Variants in ADAM22 observed in about 807,000 individuals in gnomAD.
ADAM22 encodes the protein ADAM metallopeptidase domain 22, also known as disintegrin and metalloproteinase domain-containing protein 22.
A neutral mutation model predicts 144.6 loss-of-function variants in ADAM22; 65 were observed. That is an observed-to-expected ratio of 0.45 (90% CI 0.37 to 0.55). The LOEUF (loss-of-function observed/expected upper bound fraction) is 0.55, where lower values mean the gene tolerates loss of function less well. Ranked by LOEUF, ADAM22 falls within the 20% of genes least tolerant of loss-of-function variation. ADAM22 has a pLI of 0.00. For missense variants in ADAM22, 974 were observed against 1,184.9 expected, an observed-to-expected ratio of 0.82 and a Z score of 2.61; for synonymous variants, 391 against 412.6, an observed-to-expected ratio of 0.95 and a Z score of 0.63.
intron 3 of ADAM22, among the ~76,000 whole-genome samples, chr7:88,062,073 G>T (rs1297075724): frequency 6.6e-6 from 1 of 151,968 alleles, no homozygotes; most frequent in African/African-American, 2.4e-5. Flanking sequence ...AAACACCTGA[G>T]CTCAAGCCAT....
chr7:88,047,493 G>A (rs993672623), intron 3 of ADAM22, among the ~76,000 whole-genome samples: 3 of 151,914 alleles, frequency 2.0e-5, no homozygotes, highest in Non-Finnish European at 4.4e-5. Context: ...TTTGATTTTT[G>A]TATTTTCTTG....
At chr7:88,076,835 T>C (rs1390774910) in intron 4 of ADAM22, among the ~76,000 whole-genome samples, 1 of 152,244 alleles carries the variant, frequency 6.6e-6, no homozygotes, top group Non-Finnish European at 1.5e-5. Flanking sequence ...GTGTTCAGAC[T>C]ATCTATTCTA....
At chr7:87,955,389 T>G (rs1846396905) in intron 2 of ADAM22, among the ~76,000 whole-genome samples, 1 of 152,232 alleles carries the variant, frequency 6.6e-6, no homozygotes, top group African/African-American at 2.4e-5. Context: ...TGGAGTTTGC[T>G]AGAGGTCCAC....
intron 3 of ADAM22, among the ~76,000 whole-genome samples, chr7:87,996,704 C>G (rs747218683): frequency 6.6e-6 from 1 of 152,276 alleles, no homozygotes; most frequent in African/African-American, 2.4e-5. Flanking sequence ...TTTGTTGTGC[C>G]AATTATAGAT....
At chr7:88,166,915 G>T (rs111762013) in intron 24 of ADAM22, among the ~76,000 whole-genome samples, 13 of 152,194 alleles carry the variant, frequency 8.5e-5, no homozygotes, top group South Asian at 4.2e-4. Flanking sequence ...AAAAAGGAAG[G>T]GGGGGCAGAC....
chr7:88,066,846 C>A (rs1167308662), intron 3 of ADAM22, among the ~76,000 whole-genome samples: 1 of 152,052 alleles, frequency 6.6e-6, no homozygotes, highest in Non-Finnish European at 1.5e-5. Flanking sequence ...ATGTCAAATG[C>A]TGCTTATACA....
At chr7:87,950,449 C>T (rs1360525756) in intron 2 of ADAM22, among the ~76,000 whole-genome samples, 2 of 148,764 alleles carry the variant, frequency 1.3e-5, no homozygotes, top group African/African-American at 5.1e-5. Context: ...TCATCCATGT[C>T]CCTACAAAGG....
chr7:87,951,200 A>G (rs1845041807), intron 2 of ADAM22, among the ~76,000 whole-genome samples: 1 of 147,166 alleles, frequency 6.8e-6, no homozygotes, highest in South Asian at 2.2e-4. Context: ...TGTTTTAGAC[A>G]TGAAGTCCTT....
chr7:88,084,588 G>A (rs952833862), intron 4 of ADAM22, among the ~76,000 whole-genome samples: 5 of 152,168 alleles, frequency 3.3e-5, no homozygotes, highest in South Asian at 2.1e-4. Context: ...CTCCTGTCTC[G>A]ACTTCTGTGC....
intron 24 of ADAM22, 143 bp from the exon 25 acceptor site, chr7:88,167,994 G>A (rs928564788): frequency 5.9e-6 from 4 of 677,096 alleles, no homozygotes; most frequent in African/African-American, 1.8e-5. Flanking sequence ...GCTGAATTAT[G>A]GTTGATTTTT....
At position 88,027,771 on chromosome 7, in the gene ADAM22, A is replaced by T. The variant is rs568467436; in HGVS notation, c.324-47855A>T. 6.0e-5 allele frequency among the ~76,000 whole-genome samples: 9 copies of T among 148,782 alleles called. No individual in the cohort carries two copies. In the South Asian group the frequency reaches 1.7e-3, roughly 28 times the overall value. ...TGCTGTTGCTTTTCTAGTTGTGAAG[A>T]TGCTTCATTAGGTTGTTTATTTGAG... is the stretch of plus-strand genomic sequence containing the variant. On this transcript the variant is annotated intron_variant, in intron 3 of 31. Coordinates refer to ENST00000413139, the MANE Select transcript of ADAM22 (RefSeq NM_001324418.2).
In ADAM22 at chr7:88,193,163, C is replaced by T; in HGVS notation, c.2798C>T (p.Ala933Val). 1.2e-6 allele frequency: 2 copies of T among 1,614,076 alleles called. No homozygotes were observed. The highest frequency in any genetic ancestry group is 1.7e-6 in the Non-Finnish European group (2 of 1,179,960). The change falls in exon 31 of 32, where the codon GCC becomes GTC. Residue 933 changes from alanine (A) to valine (V), a missense_variant. By Grantham distance (64) the Ala-to-Val change is moderately conservative (BLOSUM62 0). Transcript: ENST00000413139. ...CCTTCTTCATCAACTGGGTCTATTG[C>T]CTCCAGCAGAAAATACCCTTACCCA... ...KSPSSSTGSIASSRKYPYPMP... is the reference protein window; with the variant it reads ...KSPSSSTGSIVSSRKYPYPMP...
At chr7:88,071,437 C>A (rs1812782348) in intron 3 of ADAM22, among the ~76,000 whole-genome samples, 5 of 136,536 alleles carry the variant, frequency 3.7e-5, no homozygotes, top group Middle Eastern at 8.3e-3. Context: ...TAAACAGAAG[C>A]AAATTATGTT....
At chr7:87,955,810 C>T (rs1286663498) in intron 2 of ADAM22, among the ~76,000 whole-genome samples, 1 of 152,190 alleles carries the variant, frequency 6.6e-6, no homozygotes, top group East Asian at 1.9e-4. Context: ...GCTTCGTTTA[C>T]CTAAGCGAGC....
chr7:88,100,492 A>G lies in ADAM22; in HGVS notation c.391-7684A>G, dbSNP rs549405439. ...ATCAGATACTTTTAGAATCAATTAT[A>G]CTCTGTACCTGACCAGATATTTAGC... On this transcript the variant is annotated intron_variant, in intron 4 of 31. Transcript: ENST00000413139. Among the ~76,000 whole-genome samples the G allele has an allele frequency of 1.3e-5, 2 of 152,210 alleles. 1 individual carries two copies. Among genetic ancestry groups the G allele is most frequent in the African/African-American group, 4.8e-5 (2 of 41,538 alleles).
At chr7:88,054,989 C>T (rs1193925042) in intron 3 of ADAM22, among the ~76,000 whole-genome samples, 1 of 152,096 alleles carries the variant, frequency 6.6e-6, no homozygotes, top group East Asian at 1.9e-4. Context: ...TAGTTTTTTA[C>T]TTGCCTGTGA....
At chr7:88,165,734 C>T in intron 23 of ADAM22, 98 bp from the exon 24 acceptor site, 2 of 750,656 alleles carry the variant, frequency 2.7e-6, no homozygotes, top group South Asian at 4.5e-5. Context: ...TTTGGAATTA[C>T]CACATTCTAA....
At chr7:88,175,489 G>A (rs1334273659) in intron 26 of ADAM22, among the ~76,000 whole-genome samples, 2 of 152,100 alleles carry the variant, frequency 1.3e-5, no homozygotes, top group East Asian at 3.8e-4. Flanking sequence ...AGAAGAAAAA[G>A]ACAACATGTA....
At chr7:88,066,590 A>AT (rs1811308735) in intron 3 of ADAM22, among the ~76,000 whole-genome samples, 1 of 152,166 alleles carries the variant, frequency 6.6e-6, no homozygotes, top group Non-Finnish European at 1.5e-5. Context: ...ATTGAGTACA[A>AT]TTATATCCTG....
Sources: allele counts gnomAD v4.1 joint callset (sites outside exome capture counted in the v4.1 genomes callset), GRCh38; gene constraint gnomAD v4.1.1; transcripts MANE v1.5; gene names NCBI Gene and HGNC (gene_info 2026-07-23, HGNC 2026-07-21).